The following NRG1 variants were observed in gnomAD, a reference collection of about 807,000 sequenced individuals.
NRG1 encodes the protein neuregulin 1, also known as pro-neuregulin-1, membrane-bound isoform.
A neutral mutation model predicts 63.8 loss-of-function variants in NRG1; 18 were observed. The ratio of observed to expected loss-of-function variants is 0.28; its 90% CI spans 0.19 to 0.42. The LOEUF (loss-of-function observed/expected upper bound fraction) is 0.42, where lower values mean the gene tolerates loss of function less well. NRG1 is among the 10% of genes least tolerant of loss of function. NRG1 has a pLI of 1.00. For missense variants in NRG1, 762 were observed against 814.7 expected, an observed-to-expected ratio of 0.94 and a Z score of 0.79; for synonymous variants, 302 against 301.3, an observed-to-expected ratio of 1.00 and a Z score of -0.02.
intron 1 of NRG1, among the ~76,000 whole-genome samples, chr8:31,823,115 T>TCC (rs1824164183): frequency 8.1e-6 from 1 of 123,454 alleles, no homozygotes; most frequent in Non-Finnish European, 1.6e-5. Context: ...GCTGTCCTTG[T>TCC]TCTTTTTTTT....
chr8:32,005,109 AG>A (rs1048837535), intron 1 of NRG1, among the ~76,000 whole-genome samples: 4 of 151,102 alleles, frequency 2.6e-5, no homozygotes, highest in African/African-American at 9.7e-5. Flanking sequence ...AAGGGAAGGG[AG>A]GAAGAAAGAA....
intron 5 of NRG1, among the ~76,000 whole-genome samples, chr8:32,625,772 CTCTTTTTTTTTTTTTCTTTTT>C (rs1294914232): frequency 8.7e-5 from 12 of 138,248 alleles, no homozygotes; most frequent in East Asian, 2.7e-4. Context: ...AACTTTCCCT[CTCTTTTTTTTTTTTTCTTTTT>C]TCTTTTTTTT....
intron 1 of NRG1, among the ~76,000 whole-genome samples, chr8:31,876,135 A>G (rs757437154): frequency 6.6e-6 from 1 of 152,240 alleles, no homozygotes. Context: ...GTTAGTTTAT[A>G]TGACCTATTT....
At chr8:32,552,663 T>G (rs923067481) in intron 1 of NRG1, among the ~76,000 whole-genome samples, 7 of 152,196 alleles carry the variant, frequency 4.6e-5, no homozygotes, top group Non-Finnish European at 1.0e-4. Context: ...TGTAACCACC[T>G]AGCCTATGTA....
At chr8:31,909,297 T>G (rs747611115) in intron 1 of NRG1, among the ~76,000 whole-genome samples, 2 of 152,150 alleles carry the variant, frequency 1.3e-5, no homozygotes, top group African/African-American at 4.8e-5. Context: ...ATTTGAACTT[T>G]ATAACATCCC....
chr8:31,755,061 C>G (rs1188301521), intron 1 of NRG1, among the ~76,000 whole-genome samples: 1 of 151,976 alleles, frequency 6.6e-6, no homozygotes, highest in Non-Finnish European at 1.5e-5. Context: ...TGCACTCTGC[C>G]TTTTTTTCCT....
chr8:32,369,285 T>C (rs938886976), intron 1 of NRG1, among the ~76,000 whole-genome samples: 1 of 152,260 alleles, frequency 6.6e-6, no homozygotes, highest in Admixed American at 6.5e-5. Context: ...TCATTCATTG[T>C]GCAGTGTGGG....
intron 1 of NRG1, among the ~76,000 whole-genome samples, chr8:32,268,299 A>G (rs1851198984): frequency 6.6e-6 from 1 of 152,218 alleles, no homozygotes; most frequent in Admixed American, 6.5e-5. Flanking sequence ...CCTAAGCCAC[A>G]TAACCCGTGA....
intron 1 of NRG1, among the ~76,000 whole-genome samples, chr8:31,760,304 G>A: frequency 6.6e-6 from 1 of 152,082 alleles, no homozygotes; most frequent in East Asian, 1.9e-4. Context: ...TGTTAAATAG[G>A]GAATCCTTTC....
chr8:32,632,902 G>A (rs1281920208), intron 5 of NRG1, among the ~76,000 whole-genome samples: 1 of 152,096 alleles, frequency 6.6e-6, no homozygotes, highest in Non-Finnish European at 1.5e-5. Context: ...TTGTTATCAG[G>A]ACTCATGTTT....
chr8:32,708,570 A>G (rs1817015847), intron 5 of NRG1, among the ~76,000 whole-genome samples: 1 of 152,190 alleles, frequency 6.6e-6, no homozygotes, highest in African/African-American at 2.4e-5. Context: ...CAGCTCTGCT[A>G]TTTTCCACCT....
intron 1 of NRG1, among the ~76,000 whole-genome samples, chr8:31,727,770 C>T (rs940832843): frequency 6.6e-6 from 1 of 152,018 alleles, no homozygotes; most frequent in Non-Finnish European, 1.5e-5. Context: ...TATGTACATA[C>T]CTATGATAAA....
intron 5 of NRG1, among the ~76,000 whole-genome samples, chr8:32,620,666 A>G (rs747005239): frequency 6.6e-6 from 1 of 151,938 alleles, no homozygotes; most frequent in Non-Finnish European, 1.5e-5. Flanking sequence ...CTATAAAAAA[A>G]TAAAGAAATT....
At chr8:32,227,835 G>T (rs1192111868) in intron 1 of NRG1, among the ~76,000 whole-genome samples, 1 of 151,954 alleles carries the variant, frequency 6.6e-6, no homozygotes, top group Non-Finnish European at 1.5e-5. Flanking sequence ...ATGACAAAAA[G>T]AAAAAATGAG....
intron 6 of NRG1, among the ~76,000 whole-genome samples, chr8:32,729,441 G>A (rs879552753): frequency 9.9e-5 from 15 of 152,272 alleles, no homozygotes; most frequent in Admixed American, 3.3e-4. Context: ...AGTCCCCAGC[G>A]AAAACATGCA....
At chr8:32,758,286 G>A (rs558581904) in intron 9 of NRG1, among the ~76,000 whole-genome samples, 3 of 152,004 alleles carry the variant, frequency 2.0e-5, no homozygotes, top group Non-Finnish European at 2.9e-5. Flanking sequence ...TAAAAATAAA[G>A]TAGACTCTGA....
intron 1 of NRG1, among the ~76,000 whole-genome samples, chr8:32,378,912 T>C (rs937156482): frequency 3.9e-5 from 6 of 152,052 alleles, no homozygotes; most frequent in African/African-American, 1.5e-4. Context: ...GAATGATGGT[T>C]TCCAGTTTCA....
chr8:32,385,214 G>C (rs1188463288), intron 1 of NRG1, among the ~76,000 whole-genome samples: 1 of 151,844 alleles, frequency 6.6e-6, no homozygotes, highest in Admixed American at 6.6e-5. Context: ...TTTTAGTAGA[G>C]ACAGGGTTTC....
chr8:32,696,225 A>C (rs1485309785), intron 5 of NRG1, among the ~76,000 whole-genome samples: 1 of 152,232 alleles, frequency 6.6e-6, no homozygotes, highest in Admixed American at 6.5e-5. Context: ...GTCTTAGAAA[A>C]GTTTTCCCAA....
Sources: gnomAD v4.1 joint callset for allele counts (sites outside exome capture counted in the v4.1 genomes callset) on GRCh38, gnomAD v4.1.1 for gene constraint, MANE v1.5 for transcripts, NCBI Gene and HGNC (gene_info 2026-07-23, HGNC 2026-07-21) for gene names.